The following SND1 variants were observed in gnomAD, a reference collection of about 807,000 sequenced individuals.
SND1 encodes staphylococcal nuclease and tudor domain containing 1, also known as staphylococcal nuclease domain-containing protein 1.
Under a neutral mutation model 121.7 loss-of-function variants are expected in SND1, and 38 were observed. The observed-to-expected ratio is 0.31, with a 90% CI of 0.24 to 0.41. The LOEUF is 0.41. SND1 is among the 10% of genes least tolerant of loss of function. The pLI, the probability that SND1 is intolerant of heterozygous loss-of-function variation, is 1.00. For synonymous variants in SND1, 401 were observed against 447.4 expected, an observed-to-expected ratio of 0.90 and a Z score of 1.31; for missense variants, 868 against 1,184.6, an observed-to-expected ratio of 0.73 and a Z score of 3.92.
At chr7:127,752,196 C>A (rs1226812026) in intron 10 of SND1, among the ~76,000 whole-genome samples, 1 of 151,810 alleles carries the variant, frequency 6.6e-6, no homozygotes, top group Admixed American at 6.6e-5. Context: ...ACATGCTGGT[C>A]TCCATATAAA....
rs138132089 is a variant in SND1 at position 127,739,040 on chromosome 7, C to T, written c.1152+17640C>T. Among the ~76,000 whole-genome samples, 403 of 152,220 alleles carry T rather than the reference C, an allele frequency of 2.6e-3. 4 individuals are homozygous for T. Among genetic ancestry groups the T allele is most frequent in the African/African-American group, 9.4e-3 (390 of 41,534 alleles). On this transcript the variant is annotated intron_variant, in intron 10 of 23. Coordinates refer to ENST00000354725, the MANE Select transcript of SND1 (RefSeq NM_014390.4). ...TTGTGCACAGGTGTGTAGCTTGGAG[C>T]GACATTGGCTCCCTCTGGTTCAGTT... is the stretch of plus-strand genomic sequence containing the variant.
intron 7 of SND1, among the ~76,000 whole-genome samples, chr7:127,703,737 A>T (rs956950061): frequency 3.9e-5 from 6 of 152,214 alleles, no homozygotes; most frequent in African/African-American, 1.2e-4. Context: ...CAGGATTATT[A>T]TTAATATCTG....
intron 20 of SND1, among the ~76,000 whole-genome samples, chr7:128,086,062 G>T (rs1164710226): frequency 6.6e-6 from 1 of 152,218 alleles, no homozygotes; most frequent in Non-Finnish European, 1.5e-5. Flanking sequence ...TCTGCAGAAT[G>T]GGGGCAGGGC....
chr7:127,680,386 T>G (rs1188138853), intron 1 of SND1, among the ~76,000 whole-genome samples: 1 of 152,090 alleles, frequency 6.6e-6, no homozygotes, highest in Admixed American at 6.5e-5. Context: ...CTCGTCCTAA[T>G]AAGCCTGGGA....
At chr7:127,952,334 T>A (rs1801480136) in intron 15 of SND1, among the ~76,000 whole-genome samples, 1 of 152,224 alleles carries the variant, frequency 6.6e-6, no homozygotes, top group Admixed American at 6.5e-5. Flanking sequence ...CCAATGTGCA[T>A]TTCCGAGAAT....
At chr7:128,070,227 C>A (rs1288506776) in intron 16 of SND1, among the ~76,000 whole-genome samples, 1 of 152,184 alleles carries the variant, frequency 6.6e-6, no homozygotes, top group African/African-American at 2.4e-5. Flanking sequence ...GGAGGTACCC[C>A]CCTCCCCCAG....
chr7:127,681,284 A>G (rs1587591613), intron 1 of SND1, among the ~76,000 whole-genome samples: 1 of 152,138 alleles, frequency 6.6e-6, no homozygotes, highest in Non-Finnish European at 1.5e-5. Context: ...CTTTTTGGAC[A>G]TTTATATTTA....
chr7:127,845,354 A>G (rs759329625), intron 12 of SND1, among the ~76,000 whole-genome samples: 6 of 152,222 alleles, frequency 3.9e-5, no homozygotes, highest in Non-Finnish European at 8.8e-5. Flanking sequence ...AGCCACTGCT[A>G]CCGATCCTAT....
At chr7:127,910,755 C>T (rs1224240812) in intron 14 of SND1, among the ~76,000 whole-genome samples, 1 of 152,126 alleles carries the variant, frequency 6.6e-6, no homozygotes, top group African/African-American at 2.4e-5. Context: ...AAAATCATGG[C>T]CCTACATCAT....
intron 15 of SND1, among the ~76,000 whole-genome samples, chr7:127,988,704 G>A (rs1185972558): frequency 1.3e-5 from 2 of 152,200 alleles, no homozygotes; most frequent in East Asian, 1.9e-4. Context: ...AGTGAAGCTC[G>A]GAAATCTTTT....
At chr7:127,693,500 C>G (rs1795956505) in intron 2 of SND1, among the ~76,000 whole-genome samples, 1 of 152,142 alleles carries the variant, frequency 6.6e-6, no homozygotes, top group African/African-American at 2.4e-5. Flanking sequence ...GGTGGACCTG[C>G]CACCTTTTGA....
At chr7:127,665,319 TG>T (rs1333133494) in intron 1 of SND1, among the ~76,000 whole-genome samples, 1 of 152,012 alleles carries the variant, frequency 6.6e-6, no homozygotes, top group African/African-American at 2.4e-5. Flanking sequence ...CCTGCATAGC[TG>T]GGACTACAGG....
At chr7:127,705,451 C>T (rs573055893) in intron 8 of SND1, among the ~76,000 whole-genome samples, 35 of 152,212 alleles carry the variant, frequency 2.3e-4, no homozygotes, top group African/African-American at 6.5e-4. Context: ...AACTCTGAGA[C>T]GTTATTGGTG....
intron 10 of SND1, among the ~76,000 whole-genome samples, chr7:127,773,011 T>A (rs1179824213): frequency 6.6e-6 from 1 of 152,250 alleles, no homozygotes; most frequent in African/African-American, 2.4e-5. Context: ...GCTAACCTTA[T>A]TTGATTGGCA....
At chr7:127,788,568 G>A (rs1412456798) in intron 10 of SND1, among the ~76,000 whole-genome samples, 1 of 152,044 alleles carries the variant, frequency 6.6e-6, no homozygotes, top group Non-Finnish European at 1.5e-5. Flanking sequence ...AAAGATTCGT[G>A]TACATTAATC....
intron 1 of SND1, among the ~76,000 whole-genome samples, chr7:127,653,076 A>G (rs1309984314): frequency 2.0e-5 from 3 of 152,338 alleles, no homozygotes; most frequent in East Asian, 3.9e-4. Context: ...ATAGGCTTGA[A>G]GAAGGCAAGT....
chr7:127,814,274 A>C (rs778223888), intron 11 of SND1, among the ~76,000 whole-genome samples: 9 of 152,160 alleles, frequency 5.9e-5, no homozygotes, highest in Non-Finnish European at 1.2e-4. Flanking sequence ...TTTGTGCTGA[A>C]TCAGCTCAGC....
At chr7:128,061,862 G>A (rs972100560) in intron 16 of SND1, among the ~76,000 whole-genome samples, 8 of 152,236 alleles carry the variant, frequency 5.3e-5, no homozygotes, top group Non-Finnish European at 8.8e-5. Flanking sequence ...AGGTCATACC[G>A]AGCAAGAATC....
chr7:127,906,172 C>T (rs1203253280), intron 14 of SND1, among the ~76,000 whole-genome samples: 1 of 152,178 alleles, frequency 6.6e-6, no homozygotes, highest in African/African-American at 2.4e-5. Context: ...CTTCAGTCTA[C>T]AGGTTGGGGC....
Sources: gnomAD v4.1 joint callset for allele counts (sites outside exome capture counted in the v4.1 genomes callset) on GRCh38, gnomAD v4.1.1 for gene constraint, MANE v1.5 for transcripts, NCBI Gene and HGNC (gene_info 2026-07-23, HGNC 2026-07-21) for gene names.